SSU72L2: variants seen among roughly 807,000 people sequenced by gnomAD.
SSU72L2 encodes the protein SSU72 like 2.
At chr11:4,242,526 C>T in the SSU72L2 span, 49 of 771,774 alleles carry the variant, frequency 6.3e-5, 1 homozygote, top group South Asian at 6.6e-4. Flanking sequence ...ACATGAGATT[C>T]AGTTCCAAAA....
At chr11:4,241,900 T>A in the SSU72L2 span, among the ~76,000 whole-genome samples, 111 of 147,130 alleles carry the variant, frequency 7.5e-4, no homozygotes, top group Middle Eastern at 3.4e-3. Context: ...CCATAAAATA[T>A]TTTCTTGGTA....
chr11:4,242,689 AG>A, the SSU72L2 span: 1 of 575,310 alleles, frequency 1.7e-6, no homozygotes. Flanking sequence ...CAGCTGCTGC[AG>A]GGTCTCGGAG....
the SSU72L2 span, chr11:4,242,680 A>G: frequency 1.7e-6 from 1 of 577,100 alleles, no homozygotes; most frequent in South Asian, 2.3e-5. Context: ...CAGGCACCTC[A>G]GCTGCTGCAG....
chr11:4,241,849 C>T, the SSU72L2 span, among the ~76,000 whole-genome samples: 510 of 148,340 alleles, frequency 3.4e-3, 25 homozygotes, highest in African/African-American at 0.012. Context: ...CAATGCCAAC[C>T]ATTTTTCAGT....
the SSU72L2 span, among the ~76,000 whole-genome samples, chr11:4,241,905 T>A: frequency 6.7e-6 from 1 of 149,614 alleles, no homozygotes; most frequent in Non-Finnish European, 1.5e-5. Context: ...AAATATTTTC[T>A]TGGTAATAGT....
chr11:4,242,642 A>G, the SSU72L2 span: 6,014 of 605,480 alleles, frequency 9.9e-3, 36 homozygotes, highest in Middle Eastern at 0.032. Context: ...GGAGAGCATG[A>G]TGGCGGCCAC....
At chr11:4,242,358 G>C in the SSU72L2 span, 9 of 777,122 alleles carry the variant, frequency 1.2e-5, no homozygotes, top group Non-Finnish European at 2.2e-5. Flanking sequence ...AATCTTTCTG[G>C]ACCGGGCTTG....
At chr11:4,242,676 C>A in the SSU72L2 span, 215 of 575,946 alleles carry the variant, frequency 3.7e-4, 2 homozygotes, top group Middle Eastern at 1.8e-3. Flanking sequence ...GACACAGGCA[C>A]CTCAGCTGCT....
the SSU72L2 span, chr11:4,242,033 G>T: frequency 1.6e-6 from 1 of 610,244 alleles, no homozygotes; most frequent in Non-Finnish European, 2.9e-6. Context: ...TACTGAGGAA[G>T]GGGACAAAGC....
At chr11:4,241,865 T>C in the SSU72L2 span, among the ~76,000 whole-genome samples, 14 of 148,856 alleles carry the variant, frequency 9.4e-5, no homozygotes, top group South Asian at 2.6e-3. Context: ...TCAGTGCTTT[T>C]AAAAATGTTA....
the SSU72L2 span, chr11:4,242,488 A>G: frequency 1.3e-6 from 1 of 776,162 alleles, no homozygotes; most frequent in African/African-American, 1.7e-5. Flanking sequence ...AAACTACAGG[A>G]CGATTGGGTC....
chr11:4,242,684 G>A, the SSU72L2 span: 1 of 575,446 alleles, frequency 1.7e-6, no homozygotes, highest in African/African-American at 1.9e-5. Context: ...CACCTCAGCT[G>A]CTGCAGGGTC....
At chr11:4,241,697 T>A in the SSU72L2 span, among the ~76,000 whole-genome samples, 1 of 146,862 alleles carries the variant, frequency 6.8e-6, no homozygotes, top group Admixed American at 6.8e-5. Flanking sequence ...ATTTATCTGC[T>A]GAATACCCTT....
the SSU72L2 span, chr11:4,242,539 C>A: frequency 1.4e-5 from 11 of 764,566 alleles, no homozygotes; most frequent in Non-Finnish European, 2.4e-5. Context: ...TTCCAAAAGA[C>A]CGGACACTTA....
chr11:4,242,696 C>T, the SSU72L2 span: 25 of 562,136 alleles, frequency 4.4e-5, no homozygotes, highest in Admixed American at 2.8e-4. Context: ...TGCAGGGTCT[C>T]GGAGCCGAGG....
At chr11:4,241,887 T>G in the SSU72L2 span, among the ~76,000 whole-genome samples, 1 of 149,226 alleles carries the variant, frequency 6.7e-6, no homozygotes, top group Non-Finnish European at 1.5e-5. Flanking sequence ...TCCTTCTCAT[T>G]TCCCATAAAA....
At chr11:4,242,018 G>A in the SSU72L2 span, 1 of 614,374 alleles carries the variant, frequency 1.6e-6, no homozygotes. Context: ...CCATGTCTAA[G>A]TTCTTACTGA....
At chr11:4,241,744 G>C in the SSU72L2 span, among the ~76,000 whole-genome samples, 5,739 of 142,514 alleles carry the variant, frequency 0.04, 102 homozygotes, top group East Asian at 0.13. Context: ...TTATCAGCTC[G>C]GTTTGCTCAT....
chr11:4,242,591 T>C, the SSU72L2 span: 7 of 718,332 alleles, frequency 9.7e-6, no homozygotes, highest in South Asian at 1.2e-4. Flanking sequence ...CATGCTCCTG[T>C]TGACATTGCT....
Sources: allele counts gnomAD v4.1 joint callset (sites outside exome capture counted in the v4.1 genomes callset), GRCh38; gene constraint gnomAD v4.1.1; transcripts MANE v1.5; gene names NCBI Gene and HGNC (gene_info 2026-07-23, HGNC 2026-07-21).